The following C2orf76 variants were observed in gnomAD, a reference collection of about 807,000 sequenced individuals.
The protein encoded by C2orf76 is chromosome 2 open reading frame 76.
A neutral mutation model predicts 16.9 loss-of-function variants in C2orf76; 23 were observed. The ratio of observed to expected loss-of-function variants is 1.36; its 90% CI spans 0.98 to 1.93. The LOEUF (loss-of-function observed/expected upper bound fraction) is 1.93. Ranked by LOEUF, C2orf76 falls within the 30% of genes most tolerant of loss-of-function variation. The pLI, the probability that C2orf76 is intolerant of heterozygous loss-of-function variation, is 0.00. For synonymous variants in C2orf76, 48 were observed against 52.3 expected, an observed-to-expected ratio of 0.92 and a Z score of 0.35; for missense variants, 152 against 152.6, an observed-to-expected ratio of 1.00 and a Z score of 0.02.
chr2:119,330,989 T>C (rs1280243892), intron 2 of C2orf76, among the ~76,000 whole-genome samples: 1 of 152,248 alleles, frequency 6.6e-6, no homozygotes, highest in Non-Finnish European at 1.5e-5. Context: ...TTACTAATTT[T>C]ATCACCTGCA....
At chr2:119,367,013 C>G (rs1573709088), upstream of C2orf76, 1 of 1,613,834 alleles carries the variant, frequency 6.2e-7, no homozygotes, top group African/African-American at 1.3e-5. Flanking sequence ...GTCCTCGCCT[C>G]CTCCGCTGTC....
intron 5 of C2orf76, among the ~76,000 whole-genome samples, chr2:119,305,225 A>G (rs1357339475): frequency 6.6e-6 from 1 of 152,234 alleles, no homozygotes; most frequent in Non-Finnish European, 1.5e-5. Context: ...AATGAAATAA[A>G]CACAAGCTAG....
rs113220174 is a variant in C2orf76 at position 119,302,828 on chromosome 2, G to C, written c.305-280C>G. ...AATCAAGAGTTAATACAAGAATCTG[G>C]TTTTCAGGAAATCATAAAATTGCTC... On this transcript the variant is annotated intron_variant, in intron 5 of 5. Coordinates refer to ENST00000334816, the MANE Select transcript of C2orf76 (RefSeq NM_001322331.2). Among the ~76,000 whole-genome samples, 190 of 152,210 alleles carry C rather than the reference G, an allele frequency of 1.2e-3. 5 individuals are homozygous for C. Among genetic ancestry groups the C allele is most frequent in the African/African-American group, 4.5e-3 (185 of 41,540 alleles).
At position 119,321,127 on chromosome 2, in the gene C2orf76, AT is replaced by A. The variant is rs773539598; in HGVS notation, c.184+26del. On this transcript the variant is annotated intron_variant, in intron 3 of 5. Coordinates refer to ENST00000334816, the MANE Select transcript of C2orf76 (RefSeq NM_001322331.2). ...CTAATGCAAAATTGTATTTATATAT[AT>A]TTTAAAAGAATAAAAAAATGGTTAC... 15 of 1,251,812 alleles carry A rather than the reference AT, an allele frequency of 1.2e-5. No individual in the cohort carries two copies. In the East Asian group the frequency reaches 3.5e-4, roughly 29 times the overall value. The allele number at this position is 1,251,812 out of a possible 1,614,324, so 77.5% of individuals were successfully genotyped here.
At position 119,344,791 on chromosome 2, in the gene C2orf76, G is replaced by A. The variant is rs183170216; in HGVS notation, c.-12-4820C>T. On this transcript the variant is annotated intron_variant, in intron 1 of 5. Coordinates refer to ENST00000334816, the MANE Select transcript of C2orf76 (RefSeq NM_001322331.2). ...TATTTTAAATGCAAAATCAAGCCAC[G>A]GTAATATAAAATCGGATACTGGAGC... Among the ~76,000 whole-genome samples, 636 of 152,192 alleles carry A rather than the reference G, an allele frequency of 4.2e-3. 7 individuals are homozygous for A. Among genetic ancestry groups the A allele is most frequent in the Middle Eastern group, 0.014 (4 of 294 alleles).
At chr2:119,307,809 T>A (rs1192712653) in intron 5 of C2orf76, among the ~76,000 whole-genome samples, 1 of 152,198 alleles carries the variant, frequency 6.6e-6, no homozygotes, top group Non-Finnish European at 1.5e-5. Flanking sequence ...TACAGATGGT[T>A]CATTACATAA....
intron 3 of C2orf76, among the ~76,000 whole-genome samples, chr2:119,318,746 G>A (rs1382050693): frequency 4.6e-5 from 7 of 151,878 alleles, no homozygotes; most frequent in African/African-American, 7.3e-5. Flanking sequence ...GCTAGGTCTC[G>A]AACTCCTGAC....
At chr2:119,355,405 C>T (rs963488518) in intron 1 of C2orf76, among the ~76,000 whole-genome samples, 2 of 152,164 alleles carry the variant, frequency 1.3e-5, no homozygotes, top group Non-Finnish European at 2.9e-5. Context: ...CCAGACTGTC[C>T]AGTAGCATGA....
intron 2 of C2orf76, among the ~76,000 whole-genome samples, chr2:119,328,978 G>C (rs1018514690): frequency 1.3e-5 from 2 of 152,080 alleles, no homozygotes; most frequent in Admixed American, 6.5e-5. Context: ...CTTTAAAATC[G>C]ATTAAGACTT....
chr2:119,301,797 C>G (rs1474487851), downstream of C2orf76, among the ~76,000 whole-genome samples: 1 of 151,996 alleles, frequency 6.6e-6, no homozygotes, highest in Non-Finnish European at 1.5e-5. Context: ...CCTGCCGCTT[C>G]CTCTCTCCAA....
intron 2 of C2orf76, among the ~76,000 whole-genome samples, chr2:119,338,172 T>G (rs1275780097): frequency 6.6e-6 from 1 of 152,190 alleles, no homozygotes; most frequent in Admixed American, 6.5e-5. Flanking sequence ...TATGCCTCTT[T>G]AGCTAAGGAT....
chr2:119,310,652 G>T (rs556369225), intron 5 of C2orf76, among the ~76,000 whole-genome samples: 1 of 152,048 alleles, frequency 6.6e-6, no homozygotes, highest in Non-Finnish European at 1.5e-5. Context: ...CAGGCAGATC[G>T]CCTGAGGTTA....
At chr2:119,339,800 A>G in intron 2 of C2orf76, 27 bp downstream of exon 2, 1 of 1,574,706 alleles carries the variant, frequency 6.4e-7, no homozygotes, top group South Asian at 1.1e-5. Flanking sequence ...ACTACTAGTA[A>G]AACAAAATGG....
intron 2 of C2orf76, among the ~76,000 whole-genome samples, chr2:119,337,046 T>C (rs888607977): frequency 9.1e-6 from 1 of 110,350 alleles, no homozygotes; most frequent in African/African-American, 3.4e-5. Context: ...AAGTTTCATT[T>C]ATTTATTTAT....
intron 3 of C2orf76, among the ~76,000 whole-genome samples, chr2:119,318,745 C>G: frequency 6.6e-6 from 1 of 152,098 alleles, no homozygotes; most frequent in East Asian, 1.9e-4. Flanking sequence ...GGCTAGGTCT[C>G]GAACTCCTGA....
chr2:119,302,531 C>A lies in C2orf76; in HGVS notation c.322G>T (p.Ala108Ser). 2 of 1,491,248 alleles carry A rather than the reference C, an allele frequency of 1.3e-6. No homozygotes were observed. Among genetic ancestry groups the A allele is most frequent in the South Asian group, 1.4e-5 (1 of 72,106 alleles). 92.4% of individuals were successfully genotyped at this position (1,491,248 alleles called of 1,614,324 possible). A position where few individuals can be genotyped will look rare whatever the true frequency, so the allele number is the denominator to read the frequency against. Residue 108 changes from alanine (A) to serine (S), a missense_variant, in exon 6 of 6, where the codon GCA (alanine) becomes TCA (serine). By Grantham distance (99) the Ala-to-Ser change is moderately conservative. Coordinates refer to ENST00000334816, the MANE Select transcript of C2orf76 (RefSeq NM_001322331.2). The stretch of plus-strand genomic sequence containing the variant: ...TTATAATCTTCTTCACAGAAGAATG[C>A]AATTTCAGTTTCACTGGCTGAAAAA... ...AAGIASETEI[A>S]FFCEEDYKNY...
At chr2:119,317,601 G>A (rs769074933) in intron 3 of C2orf76, 98 bp from the exon 4 acceptor site, 1 of 875,148 alleles carries the variant, frequency 1.1e-6, no homozygotes. Context: ...ATTGAGAAAT[G>A]TAAGTCCTTG....
the C2orf76 span, among the ~76,000 whole-genome samples, chr2:119,289,390 C>T: frequency 6.6e-6 from 1 of 152,002 alleles, no homozygotes; most frequent in African/African-American, 2.4e-5. Context: ...GTGGTGTCTG[C>T]ATTAAAGCGC....
intron 5 of C2orf76, among the ~76,000 whole-genome samples, chr2:119,307,651 G>A (rs1033251450): frequency 4.6e-5 from 7 of 152,006 alleles, no homozygotes; most frequent in African/African-American, 9.7e-5. Flanking sequence ...CTGGCTTGCC[G>A]GAGTTCGGAG....
Sources: allele counts gnomAD v4.1 joint callset (sites outside exome capture counted in the v4.1 genomes callset), GRCh38; gene constraint gnomAD v4.1.1; transcripts MANE v1.5; gene names NCBI Gene and HGNC (gene_info 2026-07-23, HGNC 2026-07-21).